The following PDE4D variants were observed in gnomAD, a reference collection of about 807,000 sequenced individuals.
PDE4D encodes the protein 3',5'-cyclic-AMP phosphodiesterase 4D.
PDE4D carries 24 observed loss-of-function variants against 87.4 expected under a neutral mutation model. The observed-to-expected ratio is 0.27, with a 90% CI of 0.20 to 0.39. The LOEUF (loss-of-function observed/expected upper bound fraction) is 0.39, where lower values mean the gene tolerates loss of function less well. Among genes scored for constraint, PDE4D ranks in the 10% least tolerant of loss-of-function variants. The pLI is 1.00. For synonymous variants in PDE4D, 384 were observed against 383.2 expected (o/e 1.00, Z -0.02); for missense variants, 714 against 1,041.0 (o/e 0.69, Z 4.32).
intron 1 of PDE4D, chr5:59,768,107 T>A: frequency 9.4e-7 from 1 of 1,067,700 alleles, no homozygotes; most frequent in Non-Finnish European, 1.4e-6. Flanking sequence ...GATTTATGGT[T>A]AAGGGAGATC....
At chr5:60,416,257 G>C (rs1742538559) in intron 1 of PDE4D, among the ~76,000 whole-genome samples, 3 of 152,224 alleles carry the variant, frequency 2.0e-5, no homozygotes, top group Admixed American at 1.3e-4. Flanking sequence ...GGACCAATCA[G>C]CAGGATGTGG....
At chr5:59,708,132 C>T (rs1394250759) in intron 1 of PDE4D, among the ~76,000 whole-genome samples, 1 of 152,126 alleles carries the variant, frequency 6.6e-6, no homozygotes, top group Admixed American at 6.6e-5. Flanking sequence ...TGTTTCTTGA[C>T]TATTTAATAA....
chr5:59,966,862 C>CTT (rs1262095728), intron 3 of PDE4D, among the ~76,000 whole-genome samples: 3 of 152,174 alleles, frequency 2.0e-5, no homozygotes, highest in Non-Finnish European at 4.4e-5. Flanking sequence ...TGAAATCTAA[C>CTT]TTACTGTCCA....
chr5:60,038,647 G>A (rs1055566367), intron 2 of PDE4D, among the ~76,000 whole-genome samples: 4 of 151,860 alleles, frequency 2.6e-5, no homozygotes, highest in Non-Finnish European at 5.9e-5. Context: ...GAGTGAACAG[G>A]CAACCTACAA....
intron 1 of PDE4D, among the ~76,000 whole-genome samples, chr5:59,322,457 A>G (rs1336530010): frequency 6.6e-6 from 1 of 152,080 alleles, no homozygotes; most frequent in East Asian, 1.9e-4. Context: ...ACAAATAAAG[A>G]GCAAAGAAAG....
At chr5:60,418,185 A>G (rs777758738) in intron 1 of PDE4D, among the ~76,000 whole-genome samples, 4 of 152,174 alleles carry the variant, frequency 2.6e-5, no homozygotes, top group Non-Finnish European at 5.9e-5. Context: ...GAAAAAAAAC[A>G]AGAAAGAAAG....
intron 6 of PDE4D, 74 bp downstream of exon 6, chr5:59,038,785 T>G: frequency 1.5e-6 from 2 of 1,318,218 alleles, no homozygotes. Flanking sequence ...TTCCCGGGGC[T>G]ATGGGTACCA....
intron 1 of PDE4D, among the ~76,000 whole-genome samples, chr5:59,663,520 A>G (rs564103632): frequency 6.6e-6 from 1 of 152,256 alleles, no homozygotes; most frequent in African/African-American, 2.4e-5. Flanking sequence ...TTTCTTTATC[A>G]TATGAAGCAA....
intron 1 of PDE4D, among the ~76,000 whole-genome samples, chr5:60,358,431 T>C (rs950795626): frequency 5.3e-5 from 8 of 152,214 alleles, no homozygotes; most frequent in Admixed American, 4.6e-4. Flanking sequence ...GGCAGAGGCA[T>C]TGATAAATAA....
chr5:59,877,620 C>T (rs1413536833), intron 1 of PDE4D, among the ~76,000 whole-genome samples: 6 of 151,656 alleles, frequency 4.0e-5, no homozygotes, highest in East Asian at 1.9e-4. Context: ...CTGGGCAACA[C>T]GTGAAACCTC....
At chr5:59,559,778 A>C (rs1819633516) in intron 1 of PDE4D, among the ~76,000 whole-genome samples, 1 of 152,228 alleles carries the variant, frequency 6.6e-6, no homozygotes, top group African/African-American at 2.4e-5. Flanking sequence ...GCACTCAAAA[A>C]GAGTTCTTGT....
intron 1 of PDE4D, among the ~76,000 whole-genome samples, chr5:59,511,336 G>A (rs961368047): frequency 7.2e-5 from 11 of 151,890 alleles, no homozygotes; most frequent in African/African-American, 2.7e-4. Context: ...GAATAATAAT[G>A]TGGTTTAGAA....
intron 1 of PDE4D, among the ~76,000 whole-genome samples, chr5:59,352,986 T>C (rs571206952): frequency 6.6e-6 from 1 of 152,254 alleles, no homozygotes; most frequent in Admixed American, 6.5e-5. Flanking sequence ...ATGACCCCTA[T>C]TACTATAAAG....
intron 1 of PDE4D, among the ~76,000 whole-genome samples, chr5:60,238,709 T>TA (rs1357837634): frequency 1.3e-5 from 2 of 152,054 alleles, no homozygotes; most frequent in East Asian, 3.9e-4. Flanking sequence ...AATTTTTAAA[T>TA]ATTTATTTGA....
chr5:59,507,679 A>AAAAAAAG lies in PDE4D; in HGVS notation c.456-291712_456-291711insCTTTTTT, dbSNP rs61334148. ...TACCCTGTCTCAAAAAAAAAAAAAA[A>AAAAAAAG]AAAAGAAAAGAAAAGAAAAAAGAAA... is the stretch of plus-strand genomic sequence containing the variant. On this transcript the variant is annotated intron_variant, in intron 1 of 14. Transcript: ENST00000340635. Among the ~76,000 whole-genome samples, 223 of 118,662 alleles carry AAAAAAAG rather than the reference A, an allele frequency of 1.9e-3. 2 individuals carry two copies. The highest frequency in any genetic ancestry group is 4.1e-3 in the African/African-American group (117 of 28,578). The allele number at this position is 118,662 out of a possible 152,430, so 77.8% of individuals were successfully genotyped here. A position where few individuals can be genotyped will look rare whatever the true frequency, so the allele number is the denominator to read the frequency against.
At chr5:60,212,307 A>C (rs920826005) in intron 1 of PDE4D, among the ~76,000 whole-genome samples, 4 of 152,078 alleles carry the variant, frequency 2.6e-5, no homozygotes, top group Admixed American at 2.6e-4. Flanking sequence ...TGTGATTCTC[A>C]TGGAAAAATC....
chr5:60,353,392 C>T (rs1044543524), intron 1 of PDE4D, among the ~76,000 whole-genome samples: 7 of 152,200 alleles, frequency 4.6e-5, no homozygotes, highest in African/African-American at 1.4e-4. Context: ...CTCTTAACAC[C>T]CACACTGCTA....
intron 2 of PDE4D, among the ~76,000 whole-genome samples, chr5:60,160,461 G>C (rs2149461196): frequency 6.6e-6 from 1 of 152,050 alleles, no homozygotes; most frequent in East Asian, 1.9e-4. Context: ...GTGGATTGCA[G>C]GAACTTTTAA....
intron 1 of PDE4D, among the ~76,000 whole-genome samples, chr5:60,206,420 T>C (rs1742534765): frequency 6.6e-6 from 1 of 152,224 alleles, no homozygotes; most frequent in South Asian, 2.1e-4. Context: ...GGCCTTGCAA[T>C]ATACCCAAAA....
Sources: gnomAD v4.1 joint callset for allele counts (sites outside exome capture counted in the v4.1 genomes callset) on GRCh38, gnomAD v4.1.1 for gene constraint, MANE v1.5 for transcripts, NCBI Gene and HGNC (gene_info 2026-07-23, HGNC 2026-07-21) for gene names.